The following PANX1 variants were observed in gnomAD, a reference collection of about 807,000 sequenced individuals.
PANX1 encodes pannexin-1.
A neutral mutation model predicts 38.7 loss-of-function variants in PANX1; 30 were observed. The observed-to-expected ratio is 0.78, with a 90% confidence interval of 0.58 to 1.05. PANX1 has a LOEUF of 1.05. Among genes scored for constraint, PANX1 ranks in the 50% least tolerant of loss-of-function variants. PANX1 has a pLI of 0.00. For synonymous variants in PANX1, 230 were observed against 212.2 expected, an observed-to-expected ratio of 1.08 and a Z score of -0.73; for missense variants, 551 against 517.2, an observed-to-expected ratio of 1.07 and a Z score of -0.63.
chr11:94,149,189 G>A (rs1399310824), intron 1 of PANX1, among the ~76,000 whole-genome samples: 1 of 152,168 alleles, frequency 6.6e-6, no homozygotes, highest in African/African-American at 2.4e-5. Flanking sequence ...GTAAGCCAAA[G>A]CCCTCCTGCT....
chr11:94,129,646 G>T (rs1946602784), intron 1 of PANX1, among the ~76,000 whole-genome samples, 153 bp downstream of exon 1: 1 of 152,158 alleles, frequency 6.6e-6, no homozygotes, highest in South Asian at 2.1e-4. Flanking sequence ...GGTCCAAAGC[G>T]TTCTTTGCCC....
At chr11:94,166,956 C>T (rs1947108744) in intron 2 of PANX1, among the ~76,000 whole-genome samples, 1 of 151,930 alleles carries the variant, frequency 6.6e-6, no homozygotes, top group South Asian at 2.1e-4. Flanking sequence ...GTTACTATGT[C>T]CTGATTGGCA....
intron 1 of PANX1, among the ~76,000 whole-genome samples, chr11:94,135,143 T>A (rs1347443769): frequency 1.3e-5 from 2 of 152,098 alleles, no homozygotes; most frequent in African/African-American, 4.8e-5. Context: ...GGTGGGGAGC[T>A]GGGGCAGCCA....
At chr11:94,156,867 C>T (rs866458126) in intron 2 of PANX1, among the ~76,000 whole-genome samples, 1 of 151,672 alleles carries the variant, frequency 6.6e-6, no homozygotes, top group Non-Finnish European at 1.5e-5. Context: ...CTAATGCTAT[C>T]CCTCCCCACT....
intron 2 of PANX1, among the ~76,000 whole-genome samples, chr11:94,157,178 C>T (rs1946960723): frequency 6.6e-6 from 1 of 152,068 alleles, no homozygotes; most frequent in Admixed American, 6.5e-5. Flanking sequence ...AATAGTGCCA[C>T]AATAAACATA....
chr11:94,158,885 T>C (rs1431174352), intron 2 of PANX1, among the ~76,000 whole-genome samples: 1 of 152,210 alleles, frequency 6.6e-6, no homozygotes. Context: ...AGCTGTGGGT[T>C]TGTCATAGAT....
At chr11:94,165,618 A>C (rs1018483871) in intron 2 of PANX1, among the ~76,000 whole-genome samples, 3 of 152,342 alleles carry the variant, frequency 2.0e-5, no homozygotes, top group Non-Finnish European at 4.4e-5. Flanking sequence ...GTTTAAAATA[A>C]TTGGTTATGT....
At chr11:94,142,318 A>T (rs934013241) in intron 1 of PANX1, among the ~76,000 whole-genome samples, 5 of 152,124 alleles carry the variant, frequency 3.3e-5, no homozygotes, top group Non-Finnish European at 7.3e-5. Flanking sequence ...GGGTGTATGG[A>T]TTATAGTACC....
At chr11:94,133,642 C>T (rs1946655803) in intron 1 of PANX1, among the ~76,000 whole-genome samples, 1 of 152,190 alleles carries the variant, frequency 6.6e-6, no homozygotes, top group African/African-American at 2.4e-5. Flanking sequence ...TAAAATACTG[C>T]AGGTGTGCCT....
rs1796538476 is a variant in PANX1 at position 94,155,679 on chromosome 11, G to A, written c.321+2049G>A. Among the ~76,000 whole-genome samples the A allele has an allele frequency of 2.0e-5, 3 of 152,298 alleles. No individual in the cohort carries two copies. In the South Asian group the frequency reaches 6.2e-4, roughly 32 times the overall value. On this transcript the variant is annotated intron_variant, in intron 2 of 4. Transcript: ENST00000227638. ...AGGAGGAAGAGGAGAGGTTGTTCAT[G>A]CTGTATCAGGAGCGGTAGAGGCAGA...
chr11:94,146,066 AT>A (rs1221746148), intron 1 of PANX1, among the ~76,000 whole-genome samples: 5 of 152,222 alleles, frequency 3.3e-5, no homozygotes, highest in Non-Finnish European at 7.3e-5. Flanking sequence ...CTTTGCAGAA[AT>A]GGCCAGTTGC....
chr11:94,174,494 G>C (rs2134521072), intron 2 of PANX1, among the ~76,000 whole-genome samples: 1 of 151,762 alleles, frequency 6.6e-6, no homozygotes, highest in Non-Finnish European at 1.5e-5. Context: ...CATAGTTCAG[G>C]TGTTACCTCT....
intron 1 of PANX1, among the ~76,000 whole-genome samples, chr11:94,143,138 G>T (rs1319080974): frequency 6.6e-6 from 1 of 152,146 alleles, no homozygotes; most frequent in Admixed American, 6.5e-5. Flanking sequence ...AACACTCAAG[G>T]CCTTGTCCTA....
chr11:94,150,469 T>C (rs1445842652), intron 1 of PANX1, among the ~76,000 whole-genome samples: 1 of 152,120 alleles, frequency 6.6e-6, no homozygotes, highest in Non-Finnish European at 1.5e-5. Context: ...TCTTGAAGAG[T>C]AAATGAGATA....
At position 94,176,179 on chromosome 11, in the gene PANX1, A is replaced by G. The variant is rs866155355; in HGVS notation, c.322-2190A>G. ...TACTCTTCACTACTTCAAAGTTTCA[A>G]TAGCTGTTAGATCATCTGCTAGATC... On this transcript the variant is annotated intron_variant, in intron 2 of 4. Transcript: ENST00000227638. Among the ~76,000 whole-genome samples the G allele has an allele frequency of 5.3e-5, 8 of 151,756 alleles. 1 individual carries two copies. The highest frequency in any genetic ancestry group is 2.1e-4 in the South Asian group (1 of 4,834).
In PANX1 at chr11:94,180,698, T is replaced by G. The variant is rs563411525; in HGVS notation, c.1202-92T>G. 1.1e-4 allele frequency: 82 copies of G among 733,880 alleles called. No homozygotes were observed. In the East Asian group the frequency reaches 2.0e-3, roughly 18 times the overall value. The allele number at this position is 733,880 out of a possible 1,614,324, so 45.5% of individuals were successfully genotyped here. A position where few individuals can be genotyped will look rare whatever the true frequency, so the allele number is the denominator to read the frequency against. ...CCAAGAAGCAAAACATGGTATAGAC[T>G]GTGAGAGGAATTTTTGGCAGAAGAA... On this transcript the variant is annotated intron_variant, in intron 4 of 4. Coordinates refer to ENST00000227638, the MANE Select transcript of PANX1 (RefSeq NM_015368.4).
chr11:94,132,253 G>A (rs1292757952), intron 1 of PANX1, among the ~76,000 whole-genome samples: 1 of 152,246 alleles, frequency 6.6e-6, no homozygotes, highest in Admixed American at 6.5e-5. Context: ...TCCTCTGGAA[G>A]CACGGTCTAG....
At chr11:94,180,366 A>G in intron 4 of PANX1, 109 bp downstream of exon 4, 2 of 996,472 alleles carry the variant, frequency 2.0e-6, no homozygotes, top group South Asian at 1.8e-5. Flanking sequence ...ACCATTTCCA[A>G]GCATTAAAAA....
At position 94,180,864 on chromosome 11, in the gene PANX1, T is replaced by G. The variant is rs765869615; in HGVS notation, c.1276T>G (p.Cys426Gly). 2 of 1,577,046 alleles carry G rather than the reference T, an allele frequency of 1.3e-6. No individual in the cohort carries two copies. The highest frequency in any genetic ancestry group is 8.7e-7 in the Non-Finnish European group (1 of 1,146,342). ...NARQRLLDSSC is the reference protein window; with the variant it reads ...NARQRLLDSSG ...CCGACAGAGACTTCTGGATTCTTCT[T>G]GCTGATGATTTTTTTCCTTGAGCTG... Residue 426 changes from cysteine to glycine, a missense_variant, in exon 5 of 5, where the codon TGC becomes GGC. Physicochemically the swap from Cys to Gly is radical, Grantham distance 159. Transcript: ENST00000227638.
Sources: allele counts gnomAD v4.1 joint callset (sites outside exome capture counted in the v4.1 genomes callset), GRCh38; gene constraint gnomAD v4.1.1; transcripts MANE v1.5; gene names NCBI Gene and HGNC (gene_info 2026-07-23, HGNC 2026-07-21).